Variants in HSD17B12 observed in about 807,000 individuals in gnomAD.
The protein encoded by HSD17B12 is hydroxysteroid 17-beta dehydrogenase 12, also known as very-long-chain 3-oxoacyl-CoA reductase.
Under a neutral mutation model 39.3 loss-of-function variants are expected in HSD17B12, and 32 were observed. The observed-to-expected ratio is 0.81, with a 90% CI of 0.61 to 1.09. The LOEUF is 1.09. Among genes scored for constraint, HSD17B12 ranks in the 50% least tolerant of loss-of-function variants. The pLI, the probability that HSD17B12 is intolerant of heterozygous loss-of-function variation, is 0.00. For synonymous variants in HSD17B12, 150 were observed against 146.7 expected, an observed-to-expected ratio of 1.02 and a Z score of -0.16; for missense variants, 342 against 382.9, an observed-to-expected ratio of 0.89 and a Z score of 0.89.
chr11:43,851,643 C>T (rs1951531779), intron 9 of HSD17B12, among the ~76,000 whole-genome samples: 1 of 152,156 alleles, frequency 6.6e-6, no homozygotes, highest in South Asian at 2.1e-4. Context: ...AAAGAGACCC[C>T]AGTACTCTTC....
chr11:43,761,282 A>C (rs1950552855), intron 3 of HSD17B12, among the ~76,000 whole-genome samples: 1 of 152,270 alleles, frequency 6.6e-6, no homozygotes, highest in Non-Finnish European at 1.5e-5. Flanking sequence ...GAGACAATGC[A>C]AATAATTACA....
chr11:43,584,286 T>G, the HSD17B12 span, among the ~76,000 whole-genome samples: 28 of 152,206 alleles, frequency 1.8e-4, no homozygotes, highest in African/African-American at 5.8e-4. Context: ...GATTCAGATG[T>G]GCTTGGAAGG....
intron 3 of HSD17B12, among the ~76,000 whole-genome samples, chr11:43,782,149 G>A (rs1023714954): frequency 1.3e-5 from 2 of 152,116 alleles, no homozygotes; most frequent in Non-Finnish European, 2.9e-5. Context: ...CCCCTACAAA[G>A]CTCACATATT....
At chr11:43,678,451 G>A (rs1798716060), upstream of HSD17B12, among the ~76,000 whole-genome samples, 2 of 152,264 alleles carry the variant, frequency 1.3e-5, no homozygotes, top group South Asian at 4.1e-4. Context: ...GATCCCATTT[G>A]TCAATTTTGG....
At chr11:43,764,083 G>A (rs1950576503) in intron 3 of HSD17B12, among the ~76,000 whole-genome samples, 1 of 152,024 alleles carries the variant, frequency 6.6e-6, no homozygotes, top group Non-Finnish European at 1.5e-5. Context: ...AAGATATATA[G>A]CTATTTTTAA....
At chr11:43,809,838 G>A (rs1027802304) in intron 4 of HSD17B12, among the ~76,000 whole-genome samples, 4 of 152,026 alleles carry the variant, frequency 2.6e-5, no homozygotes, top group African/African-American at 9.7e-5. Context: ...AAATAAATAA[G>A]CAAATAAATA....
At chr11:43,835,568 G>T (rs1951361421) in intron 7 of HSD17B12, among the ~76,000 whole-genome samples, 1 of 152,116 alleles carries the variant, frequency 6.6e-6, no homozygotes, top group African/African-American at 2.4e-5. Context: ...TGAGCTTAAT[G>T]GTAGGACAGA....
the HSD17B12 span, among the ~76,000 whole-genome samples, chr11:43,618,027 C>T: frequency 6.6e-6 from 1 of 152,166 alleles, no homozygotes; most frequent in African/African-American, 2.4e-5. Flanking sequence ...ATCTTACTTA[C>T]TGGGAAGACC....
chr11:43,690,714 ACT>A (rs1231776092), intron 1 of HSD17B12, among the ~76,000 whole-genome samples: 1 of 151,914 alleles, frequency 6.6e-6, no homozygotes, highest in Non-Finnish European at 1.5e-5. Flanking sequence ...CCTAATACAG[ACT>A]CTGGAACTAG....
the HSD17B12 span, among the ~76,000 whole-genome samples, chr11:43,658,949 G>C: frequency 6.6e-6 from 1 of 152,240 alleles, no homozygotes; most frequent in African/African-American, 2.4e-5. Context: ...AGTCTGCAGA[G>C]GTTATTGCTG....
At chr11:43,763,057 G>T (rs1376381234) in intron 3 of HSD17B12, among the ~76,000 whole-genome samples, 1 of 152,122 alleles carries the variant, frequency 6.6e-6, no homozygotes, top group East Asian at 1.9e-4. Flanking sequence ...TACACCTAAT[G>T]TCCTCCTTGC....
intron 8 of HSD17B12, 57 bp downstream of exon 8, chr11:43,838,455 T>A: frequency 1.6e-6 from 2 of 1,280,096 alleles, no homozygotes; most frequent in Non-Finnish European, 2.3e-6. Context: ...ATTTTTAGTC[T>A]GAGAAATTAA....
At chr11:43,631,120 A>T in the HSD17B12 span, among the ~76,000 whole-genome samples, 23 of 152,254 alleles carry the variant, frequency 1.5e-4, no homozygotes, top group South Asian at 1.5e-3. Context: ...TTTCTTTTTT[A>T]AAAAAATGTA....
At chr11:43,809,647 C>T (rs912438586) in intron 4 of HSD17B12, among the ~76,000 whole-genome samples, 62 of 152,054 alleles carry the variant, frequency 4.1e-4, no homozygotes, top group African/African-American at 1.4e-3. Context: ...GGAGAAACCC[C>T]GTCTCTACTA....
chr11:43,761,453 A>G (rs1950554338), intron 3 of HSD17B12, among the ~76,000 whole-genome samples: 1 of 152,234 alleles, frequency 6.6e-6, no homozygotes, highest in African/African-American at 2.4e-5. Context: ...TATTTCAGCT[A>G]CTGTTGCAGC....
chr11:43,791,586 C>CA (rs1297762888), intron 3 of HSD17B12, among the ~76,000 whole-genome samples: 2 of 151,498 alleles, frequency 1.3e-5, no homozygotes, highest in African/African-American at 4.8e-5. Context: ...TTTCTCCCCT[C>CA]AAAAAACAAA....
intron 1 of HSD17B12, among the ~76,000 whole-genome samples, chr11:43,738,206 G>C (rs1327803965): frequency 2.0e-5 from 3 of 151,462 alleles, no homozygotes; most frequent in African/African-American, 7.3e-5. Flanking sequence ...ATCATCACTT[G>C]TCTCTTTTTT....
intron 1 of HSD17B12, among the ~76,000 whole-genome samples, chr11:43,703,049 T>C (rs1284348803): frequency 6.6e-6 from 1 of 152,194 alleles, no homozygotes; most frequent in Non-Finnish European, 1.5e-5. Flanking sequence ...TTTTGTTTGA[T>C]GTACCTCTGT....
chr11:43,601,106 T>C, the HSD17B12 span, among the ~76,000 whole-genome samples: 2 of 151,902 alleles, frequency 1.3e-5, no homozygotes, highest in African/African-American at 2.4e-5. Context: ...TATCTTTATT[T>C]ATTTATTTTT....
Sources: allele counts gnomAD v4.1 joint callset (sites outside exome capture counted in the v4.1 genomes callset), GRCh38; gene constraint gnomAD v4.1.1; transcripts MANE v1.5; gene names NCBI Gene and HGNC (gene_info 2026-07-23, HGNC 2026-07-21).